Variants in CTNNA3 observed in about 807,000 individuals in gnomAD.
The protein encoded by CTNNA3 is catenin alpha 3, also known as catenin alpha-3.
CTNNA3 carries 76 observed loss-of-function variants against 95.7 expected under a neutral mutation model. The ratio of observed to expected loss-of-function variants is 0.79; its 90% CI spans 0.66 to 0.96. The LOEUF (loss-of-function observed/expected upper bound fraction) is 0.96, where lower values mean the gene tolerates loss of function less well. Among genes scored for constraint, CTNNA3 ranks in the 40% least tolerant of loss-of-function variants. The pLI is 0.00. For synonymous variants in CTNNA3, 431 were observed against 374.4 expected, an observed-to-expected ratio of 1.15 and a Z score of -1.74; for missense variants, 1,191 against 1,089.8, an observed-to-expected ratio of 1.09 and a Z score of -1.31.
At chr10:66,335,625 T>A (rs981047830) in intron 12 of CTNNA3, among the ~76,000 whole-genome samples, 1 of 152,086 alleles carries the variant, frequency 6.6e-6, no homozygotes, top group Non-Finnish European at 1.5e-5. Flanking sequence ...CCATGTGAAG[T>A]GTCAGTCTGC....
At chr10:65,959,360 C>T (rs1313627574) in intron 17 of CTNNA3, among the ~76,000 whole-genome samples, 1 of 152,190 alleles carries the variant, frequency 6.6e-6, no homozygotes, top group Non-Finnish European at 1.5e-5. Flanking sequence ...CAATGCCCCT[C>T]CCTGCTTCAG....
chr10:66,027,093 G>A (rs779398961), intron 15 of CTNNA3, among the ~76,000 whole-genome samples: 23 of 151,952 alleles, frequency 1.5e-4, no homozygotes, highest in African/African-American at 2.4e-4. Context: ...ATTTCATAAG[G>A]TATTATAAAG....
chr10:67,503,884 G>A (rs547016958), intron 5 of CTNNA3, among the ~76,000 whole-genome samples: 165 of 152,222 alleles, frequency 1.1e-3, no homozygotes, highest in Non-Finnish European at 2.0e-3. Context: ...TCAGCCAGGC[G>A]CGGTGGCTCA....
intron 5 of CTNNA3, among the ~76,000 whole-genome samples, chr10:67,235,509 C>T (rs367794012): frequency 2.0e-5 from 3 of 150,250 alleles, no homozygotes; most frequent in African/African-American, 4.9e-5. Context: ...ATACAAAAAT[C>T]AATTCAAGAT....
At chr10:66,088,872 C>T (rs926482072) in intron 14 of CTNNA3, among the ~76,000 whole-genome samples, 41 of 152,022 alleles carry the variant, frequency 2.7e-4, no homozygotes, top group African/African-American at 9.4e-4. Context: ...TTATGAATAC[C>T]TTGTAATAGG....
chr10:66,089,759 A>AATAT (rs35629436), intron 14 of CTNNA3, among the ~76,000 whole-genome samples: 10,779 of 148,834 alleles, frequency 0.072, 491 homozygotes, highest in Non-Finnish European at 0.11. Flanking sequence ...ATCTCAGAGA[A>AATAT]ATATATATAT....
At chr10:67,109,563 G>A (rs1589749849) in intron 7 of CTNNA3, among the ~76,000 whole-genome samples, 1 of 152,204 alleles carries the variant, frequency 6.6e-6, no homozygotes, top group Non-Finnish European at 1.5e-5. Flanking sequence ...AGAAAATGAA[G>A]GCCAGGCGTG....
At chr10:66,534,164 A>G (rs1367589506) in intron 10 of CTNNA3, among the ~76,000 whole-genome samples, 1 of 152,128 alleles carries the variant, frequency 6.6e-6, no homozygotes, top group Non-Finnish European at 1.5e-5. Context: ...TGGAACTGTT[A>G]TGCTCAAAAA....
intron 7 of CTNNA3, among the ~76,000 whole-genome samples, chr10:66,944,570 AC>A (rs1848185140): frequency 6.6e-6 from 1 of 152,178 alleles, no homozygotes; most frequent in Admixed American, 6.5e-5. Context: ...GGTGACTCTT[AC>A]CTTAAAGGTT....
chr10:66,012,239 A>G (rs1477093297), intron 15 of CTNNA3, among the ~76,000 whole-genome samples: 1 of 152,218 alleles, frequency 6.6e-6, no homozygotes, highest in Non-Finnish European at 1.5e-5. Context: ...GTAATAAGGT[A>G]GTTTCAGATG....
chr10:66,817,241 T>C (rs543330248), intron 7 of CTNNA3, among the ~76,000 whole-genome samples: 17 of 151,338 alleles, frequency 1.1e-4, no homozygotes, highest in Admixed American at 2.6e-4. Context: ...AAAAAACACA[T>C]CCAAATTTTT....
chr10:67,579,032 T>TACAC (rs71468816), intron 3 of CTNNA3, among the ~76,000 whole-genome samples: 6 of 95,114 alleles, frequency 6.3e-5, no homozygotes, highest in African/African-American at 1.0e-4. Flanking sequence ...TATATATATA[T>TACAC]ACACACACAC....
intron 1 of CTNNA3, among the ~76,000 whole-genome samples, chr10:67,750,092 A>G (rs1183573480): frequency 1.3e-5 from 2 of 152,142 alleles, no homozygotes; most frequent in Non-Finnish European, 2.9e-5. Context: ...CGCCAGAAGG[A>G]AGAAACTCTG....
chr10:66,722,014 A>G (rs1848642444), intron 9 of CTNNA3, among the ~76,000 whole-genome samples: 1 of 152,224 alleles, frequency 6.6e-6, no homozygotes, highest in Non-Finnish European at 1.5e-5. Flanking sequence ...TGAGAGAAGA[A>G]GCATATTATA....
At chr10:66,332,721 T>A (rs1202754453) in intron 12 of CTNNA3, among the ~76,000 whole-genome samples, 5 of 152,104 alleles carry the variant, frequency 3.3e-5, no homozygotes, top group African/African-American at 1.2e-4. Flanking sequence ...GGCTTTGGTA[T>A]CAGGATGATG....
chr10:66,504,487 G>T (rs1353123206), intron 11 of CTNNA3, among the ~76,000 whole-genome samples: 1 of 152,174 alleles, frequency 6.6e-6, no homozygotes, highest in Non-Finnish European at 1.5e-5. Context: ...TGGATAGCAA[G>T]ATTGATGCTG....
At chr10:66,312,622 C>T (rs2092037550) in intron 12 of CTNNA3, among the ~76,000 whole-genome samples, 1 of 151,822 alleles carries the variant, frequency 6.6e-6, no homozygotes, top group African/African-American at 2.4e-5. Flanking sequence ...TATCAACTTA[C>T]CGCAATCTCC....
chr10:67,325,202 C>CT (rs35303990), intron 5 of CTNNA3, among the ~76,000 whole-genome samples: 106,088 of 151,928 alleles, frequency 0.7, 41,476 homozygotes, highest in Non-Finnish European at 0.88. Flanking sequence ...ATTCATTGAT[C>CT]TTTAAATGCT....
intron 7 of CTNNA3, among the ~76,000 whole-genome samples, chr10:66,815,915 G>C (rs7086473): frequency 0.012 from 1,777 of 152,186 alleles, 42 homozygotes; most frequent in African/African-American, 0.041. Context: ...GAAATAAAGA[G>C]CACCAGTAAA....
Sources: allele counts gnomAD v4.1 joint callset (sites outside exome capture counted in the v4.1 genomes callset), GRCh38; gene constraint gnomAD v4.1.1; transcripts MANE v1.5; gene names NCBI Gene and HGNC (gene_info 2026-07-23, HGNC 2026-07-21).